MAP3K3: variants seen among roughly 807,000 people sequenced by gnomAD.
MAP3K3 encodes MAP/ERK kinase kinase 3.
MAP3K3 carries 12 observed loss-of-function variants against 80.9 expected under a neutral mutation model. That is an observed-to-expected ratio of 0.15 (90% confidence interval 0.10 to 0.24). MAP3K3 has a LOEUF of 0.24. Ranked by LOEUF, MAP3K3 falls within the 10% of genes least tolerant of loss-of-function variation. MAP3K3 has a pLI of 1.00. For missense variants in MAP3K3, 596 were observed against 834.7 expected (o/e 0.71, Z 3.52); for synonymous variants, 272 against 307.1 (o/e 0.89, Z 1.19).
At chr17:63,649,534 C>G (rs959548983) in intron 3 of MAP3K3, among the ~76,000 whole-genome samples, 1 of 152,048 alleles carries the variant, frequency 6.6e-6, no homozygotes, top group African/African-American at 2.4e-5. Flanking sequence ...GTCCTCCTGC[C>G]TCAACCTCCC....
intron 5 of MAP3K3, among the ~76,000 whole-genome samples, chr17:63,659,531 T>G (rs1297001358): frequency 7.1e-6 from 1 of 140,806 alleles, no homozygotes; most frequent in Non-Finnish European, 1.5e-5. Context: ...TGGACTTTTT[T>G]TTTTTTTTTT....
At chr17:63,657,055 C>T (rs957995550) in intron 4 of MAP3K3, among the ~76,000 whole-genome samples, 1 of 152,060 alleles carries the variant, frequency 6.6e-6, no homozygotes, top group Non-Finnish European at 1.5e-5. Flanking sequence ...ATAATTAAAC[C>T]GTGCTATGCA....
chr17:63,681,373 C>A (rs1264769423), intron 6 of MAP3K3, among the ~76,000 whole-genome samples: 6 of 152,180 alleles, frequency 3.9e-5, no homozygotes, highest in African/African-American at 1.4e-4. Context: ...GAGGACTAAG[C>A]TGATGTATTG....
intron 6 of MAP3K3, among the ~76,000 whole-genome samples, chr17:63,669,889 C>T (rs2035070240): frequency 6.6e-6 from 1 of 150,982 alleles, no homozygotes; most frequent in African/African-American, 2.4e-5. Context: ...ATTGCTTGAG[C>T]CTCAGGAGTT....
chr17:63,641,761 G>A (rs1019383386), intron 2 of MAP3K3, among the ~76,000 whole-genome samples: 4 of 152,080 alleles, frequency 2.6e-5, no homozygotes, highest in Non-Finnish European at 5.9e-5. Flanking sequence ...CTATTTAGAG[G>A]CCCACTGAGA....
intron 3 of MAP3K3, among the ~76,000 whole-genome samples, chr17:63,649,410 C>T (rs188732270): frequency 2.7e-5 from 4 of 147,544 alleles, no homozygotes; most frequent in African/African-American, 1.0e-4. Flanking sequence ...TCAGCCTAGG[C>T]GACAGAGCGA....
At chr17:63,675,561 C>T (rs1223563974) in intron 6 of MAP3K3, among the ~76,000 whole-genome samples, 1 of 152,186 alleles carries the variant, frequency 6.6e-6, no homozygotes, top group Non-Finnish European at 1.5e-5. Context: ...TTTGACTCTG[C>T]TTCTTTGGGT....
At chr17:63,683,217 T>C (rs1388927265) in intron 7 of MAP3K3, among the ~76,000 whole-genome samples, 2 of 152,236 alleles carry the variant, frequency 1.3e-5, no homozygotes, top group Non-Finnish European at 2.9e-5. Flanking sequence ...TTATTCAAAC[T>C]ATGTAGGCTA....
intron 6 of MAP3K3, among the ~76,000 whole-genome samples, chr17:63,674,964 G>T (rs2035187175): frequency 6.6e-6 from 1 of 152,148 alleles, no homozygotes; most frequent in Non-Finnish European, 1.5e-5. Context: ...TCCTAGTACC[G>T]ATTTGAAAGG....
Position 63,693,404 on chromosome 17 carries a change from A to C in MAP3K3, c.1653-145A>C. The C allele has an allele frequency of 1.6e-6, 1 of 627,666 alleles. No individual in the cohort carries two copies. Among genetic ancestry groups the C allele is most frequent in the Admixed American group, 3.2e-5 (1 of 30,926 alleles). The allele number at this position is 627,666 out of a possible 1,614,324, so 38.9% of individuals were successfully genotyped here. A position where few individuals can be genotyped will look rare whatever the true frequency, so the allele number is the denominator to read the frequency against. ...GTAGGTCCATGAAGCCCACGTGGAC[A>C]GACATCCAAGCTGAGGTATCCCTCA... On this transcript the variant is annotated intron_variant, in intron 15 of 15. Transcript: ENST00000361733. The surrounding 1 kb of genome is among the most constrained non-coding windows in gnomAD (Gnocchi z 4.2).
At chr17:63,675,872 C>T (rs2035209194) in intron 6 of MAP3K3, among the ~76,000 whole-genome samples, 1 of 152,232 alleles carries the variant, frequency 6.6e-6, no homozygotes, top group South Asian at 2.1e-4. Context: ...GTGCTTTGGG[C>T]TGTCTGGCTC....
chr17:63,646,851 C>T (rs1013742493), intron 3 of MAP3K3, among the ~76,000 whole-genome samples: 1 of 152,178 alleles, frequency 6.6e-6, no homozygotes, highest in Admixed American at 6.5e-5. Context: ...CATGTTTGTG[C>T]ATGTGCGGCA....
At position 63,693,761 on chromosome 17, in the gene MAP3K3, C is replaced by T. The variant is rs200161650; in HGVS notation, c.1865C>T (p.Ala622Val). Residue 622 changes from alanine (A) to valine (V), a missense_variant, in exon 16 of 16, where the codon GCA becomes GTA. By Grantham distance (64) the Ala-to-Val change is moderately conservative. Coordinates refer to ENST00000361733, the MANE Select transcript of MAP3K3 (RefSeq NM_002401.5). The surrounding 1 kb of genome is among the most constrained non-coding windows in gnomAD (Gnocchi z 4.2). ...SAEELLTHHF[A>V]QLMY Reference sequence around the variant, plus strand: ...GAGGAGCTGCTCACACACCACTTTGCACAGCTCATGTACTGAGCTCTCACG... The same window carrying T: ...GAGGAGCTGCTCACACACCACTTTGTACAGCTCATGTACTGAGCTCTCACG... The T allele has an allele frequency of 2.5e-5, 40 of 1,602,352 alleles. No homozygotes were observed. The Admixed American group carries it at 5.4e-4, about 21-fold the overall frequency.
At chr17:63,658,474 A>G (rs987317854) in intron 5 of MAP3K3, among the ~76,000 whole-genome samples, 1 of 152,338 alleles carries the variant, frequency 6.6e-6, no homozygotes, top group Non-Finnish European at 1.5e-5. Flanking sequence ...CCTTATGCAC[A>G]GTTTCCTCTC....
chr17:63,655,123 C>G (rs1450319500), intron 4 of MAP3K3, among the ~76,000 whole-genome samples: 2 of 152,006 alleles, frequency 1.3e-5, no homozygotes, highest in African/African-American at 2.4e-5. Context: ...CTGGGGAGGC[C>G]TAGCAAACTT....
rs113332225 is a variant in MAP3K3, at chr17:63,670,651, C to A, written c.502+3591C>A. On this transcript the variant is annotated intron_variant, in intron 6 of 15. Transcript: ENST00000361733. ...GGTGGGCTATAACTAAGGGATGGGA[C>A]CTGATCCTGATCTTGGGGCCAGGAA... Among the ~76,000 whole-genome samples, 1,041 of 150,818 alleles carry A rather than the reference C, an allele frequency of 6.9e-3. 10 individuals are homozygous for A. Among genetic ancestry groups the A allele is most frequent in the African/African-American group, 0.023 (957 of 40,910 alleles).
rs79579765 is a variant in MAP3K3 at position 63,645,002 on chromosome 17, T to A, written c.127-1032T>A. 8.0e-3 allele frequency among the ~76,000 whole-genome samples: 1,223 copies of A among 152,360 alleles called. 21 individuals carry two copies. The highest frequency in any genetic ancestry group is 0.027 in the African/African-American group (1,142 of 41,574). The stretch of plus-strand genomic sequence containing the variant: ...ATTTTTTAAACTCCCTCAAGTTGTT[T>A]GTTTGCCCTTTTGCAATATCTCTTC... On this transcript the variant is annotated intron_variant, in intron 2 of 15. Coordinates refer to ENST00000361733, the MANE Select transcript of MAP3K3 (RefSeq NM_002401.5).
chr17:63,662,570 G>A (rs2034915843), intron 5 of MAP3K3, among the ~76,000 whole-genome samples: 1 of 151,848 alleles, frequency 6.6e-6, no homozygotes, highest in Non-Finnish European at 1.5e-5. Context: ...GTGAGGCAGT[G>A]TGTAGTGACA....
chr17:63,650,076 A>G (rs1465608084), intron 3 of MAP3K3, among the ~76,000 whole-genome samples: 3 of 152,164 alleles, frequency 2.0e-5, no homozygotes, highest in Non-Finnish European at 2.9e-5. Flanking sequence ...GTCTGATTTT[A>G]TCCTGCTTAG....
Sources: allele counts gnomAD v4.1 joint callset (sites outside exome capture counted in the v4.1 genomes callset), GRCh38; gene constraint gnomAD v4.1.1; non-coding constraint Gnocchi (gnomAD v3.1); transcripts MANE v1.5; gene names NCBI Gene and HGNC (gene_info 2026-07-23, HGNC 2026-07-21).